ADAMTS17: variants seen among roughly 807,000 people sequenced by gnomAD.
ADAMTS17 encodes A disintegrin and metalloproteinase with thrombospondin motifs 17.
A neutral mutation model predicts 141.5 loss-of-function variants in ADAMTS17; 113 were observed. That is an observed-to-expected ratio of 0.80 (90% CI 0.69 to 0.93). The LOEUF (loss-of-function observed/expected upper bound fraction) is 0.93, where lower values mean the gene tolerates loss of function less well. Ranked by LOEUF, ADAMTS17 falls within the 40% of genes least tolerant of loss-of-function variation. The probability of loss-of-function intolerance (pLI) is 0.00; values close to 1 mark genes in which losing one functional copy is unlikely to be tolerated. For missense variants in ADAMTS17, 1,659 were observed against 1,517.9 expected, an observed-to-expected ratio of 1.09 and a Z score of -1.54; for synonymous variants, 768 against 630.6, an observed-to-expected ratio of 1.22 and a Z score of -3.27.
chr15:100,043,584 G>A (rs547052003), intron 18 of ADAMTS17, among the ~76,000 whole-genome samples: 1 of 152,262 alleles, frequency 6.6e-6, no homozygotes, highest in African/African-American at 2.4e-5. Context: ...TCTTACGTGT[G>A]GGCTATGTCT....
In ADAMTS17 at chr15:100,132,278, T is replaced by C. The variant is rs967634672; in HGVS notation, c.1576-126A>G. 8 of 1,330,260 alleles carry C rather than the reference T, an allele frequency of 6.0e-6. No homozygotes were observed. In the South Asian group the frequency reaches 8.4e-5, roughly 14 times the overall value. 82.4% of individuals were successfully genotyped at this position (1,330,260 alleles called of 1,614,324 possible). On this transcript the variant is annotated intron_variant, in intron 11 of 21. Coordinates refer to ENST00000268070, the MANE Select transcript of ADAMTS17 (RefSeq NM_139057.4). ...TAAATTTACATAAAGGTACAGTCTA[T>C]TTCAGGGTTTGCACGTTTGCTAATT...
intron 20 of ADAMTS17, among the ~76,000 whole-genome samples, chr15:99,991,836 G>A (rs1172408943): frequency 6.6e-6 from 1 of 152,146 alleles, no homozygotes; most frequent in African/African-American, 2.4e-5. Flanking sequence ...GGAATACTAT[G>A]CAGCCACAAA....
At chr15:99,984,995 C>T (rs2060556590) in intron 20 of ADAMTS17, among the ~76,000 whole-genome samples, 1 of 152,262 alleles carries the variant, frequency 6.6e-6, no homozygotes. Context: ...CGGCATGGCC[C>T]TGCGGCCCGC....
chr15:100,012,594 C>T (rs2061208145), intron 18 of ADAMTS17, among the ~76,000 whole-genome samples: 1 of 152,176 alleles, frequency 6.6e-6, no homozygotes, highest in Non-Finnish European at 1.5e-5. Context: ...GTTTCATTCT[C>T]CTACATGTGT....
At position 99,997,296 on chromosome 15, in the gene ADAMTS17, G is replaced by C; in HGVS notation, c.2796+89C>G. The C allele has an allele frequency of 6.8e-7, 1 of 1,473,214 alleles. No homozygotes were observed. The highest frequency in any genetic ancestry group is 2.3e-5 in the East Asian group (1 of 44,118). The allele number at this position is 1,473,214 out of a possible 1,614,324, so 91.3% of individuals were successfully genotyped here. On this transcript the variant is annotated intron_variant, in intron 19 of 21. Coordinates refer to ENST00000268070, the MANE Select transcript of ADAMTS17 (RefSeq NM_139057.4). The surrounding 1 kb of genome is among the most constrained non-coding windows in gnomAD (Gnocchi z 4.7). ...TTCAAGCTGACCTGGGGGCGAGCGA[G>C]GGCTGGGAGGCACCAGAATGTCACC... is the stretch of plus-strand genomic sequence containing the variant.
At position 100,012,143 on chromosome 15, in the gene ADAMTS17, G is replaced by A. The variant is rs529553841; in HGVS notation, c.2592-14554C>T. Among the ~76,000 whole-genome samples the A allele has an allele frequency of 2.6e-5, 4 of 152,334 alleles. No homozygotes were observed. The South Asian group carries it at 8.3e-4, about 32-fold the overall frequency. Reference sequence around the variant, plus strand: ...TTGATTTGCATTTCCCTGATCATTAGTGATGCTGAGCATTGTTTTCATATG... The same window carrying A: ...TTGATTTGCATTTCCCTGATCATTAATGATGCTGAGCATTGTTTTCATATG... On this transcript the variant is annotated intron_variant, in intron 18 of 21. Coordinates refer to ENST00000268070, the MANE Select transcript of ADAMTS17 (RefSeq NM_139057.4).
At chr15:100,331,140 C>G in intron 2 of ADAMTS17, 86 bp from the exon 3 acceptor site, 1 of 1,548,910 alleles carries the variant, frequency 6.5e-7, no homozygotes, top group East Asian at 2.4e-5. Context: ...GCAAGACCAC[C>G]TTGCTGTGAT....
In ADAMTS17 at chr15:99,978,357, G is replaced by A. The variant is rs563233921; in HGVS notation, c.2950-2135C>T. Among the ~76,000 whole-genome samples the A allele has an allele frequency of 2.6e-5, 4 of 152,260 alleles. No homozygotes were observed. In the South Asian group the frequency reaches 8.3e-4, roughly 32 times the overall value. ...TCAGAGGGAATGTTGCTCTAAAGGG[G>A]CACTGCTTTTTTCAGCTCACAAAGG... On this transcript the variant is annotated intron_variant, in intron 20 of 21. Coordinates refer to ENST00000268070, the MANE Select transcript of ADAMTS17 (RefSeq NM_139057.4).
At chr15:100,325,616 A>G (rs563854396) in intron 3 of ADAMTS17, among the ~76,000 whole-genome samples, 4 of 152,298 alleles carry the variant, frequency 2.6e-5, no homozygotes, top group African/African-American at 9.6e-5. Context: ...TCACTCCATT[A>G]GTTCATGCAA....
intron 13 of ADAMTS17, among the ~76,000 whole-genome samples, chr15:100,113,408 C>A (rs553166529): frequency 5.1e-4 from 77 of 152,322 alleles, no homozygotes; most frequent in Admixed American, 9.8e-4. Flanking sequence ...AATGAGGTCA[C>A]CTGGTGGACA....
chr15:100,096,585 G>C, intron 14 of ADAMTS17, 109 bp from the exon 15 acceptor site: 2 of 1,451,346 alleles, frequency 1.4e-6, no homozygotes, highest in Non-Finnish European at 1.9e-6. Context: ...CATGGGGCCT[G>C]GGGCCCTGAT....
At chr15:100,000,329 C>G (rs1334048900) in intron 18 of ADAMTS17, among the ~76,000 whole-genome samples, 1 of 152,104 alleles carries the variant, frequency 6.6e-6, no homozygotes, top group Non-Finnish European at 1.5e-5. Flanking sequence ...CTTTTGTTCC[C>G]CTTTAAGTTT....
intron 20 of ADAMTS17, among the ~76,000 whole-genome samples, chr15:99,987,948 C>T (rs1260541415): frequency 6.6e-6 from 1 of 151,962 alleles, no homozygotes; most frequent in African/African-American, 2.4e-5. Flanking sequence ...TGGCATGCTC[C>T]TGGTACACCA....
At chr15:100,073,680 G>A (rs55994043) in intron 15 of ADAMTS17, among the ~76,000 whole-genome samples, 4,991 of 146,290 alleles carry the variant, frequency 0.034, 108 homozygotes, top group Non-Finnish European at 0.053. Context: ...ACCAAACACC[G>A]CATGTTCTCA....
At chr15:100,028,096 G>T (rs28642332) in intron 18 of ADAMTS17, among the ~76,000 whole-genome samples, 2,486 of 152,210 alleles carry the variant, frequency 0.016, 65 homozygotes, top group African/African-American at 0.054. Context: ...GCCATCAGCT[G>T]CCATCTGTGT....
intron 18 of ADAMTS17, among the ~76,000 whole-genome samples, chr15:100,003,744 G>A (rs1412571059): frequency 1.3e-5 from 2 of 152,092 alleles, no homozygotes; most frequent in African/African-American, 4.8e-5. Flanking sequence ...TGAGCTTCAT[G>A]CCAAGAGAAA....
intron 2 of ADAMTS17, among the ~76,000 whole-genome samples, chr15:100,335,012 C>T (rs1250835781): frequency 6.6e-6 from 1 of 152,124 alleles, no homozygotes; most frequent in Non-Finnish European, 1.5e-5. Context: ...GATTCCCCAA[C>T]TACCCATCCT....
chr15:100,119,786 C>G (rs1262220663), intron 12 of ADAMTS17, among the ~76,000 whole-genome samples: 2 of 152,254 alleles, frequency 1.3e-5, no homozygotes, highest in Non-Finnish European at 2.9e-5. Flanking sequence ...CAGGCAGTCT[C>G]TGTGTGGCCC....
At chr15:100,125,266 G>A (rs2037670727) in intron 12 of ADAMTS17, among the ~76,000 whole-genome samples, 1 of 152,198 alleles carries the variant, frequency 6.6e-6, no homozygotes, top group South Asian at 2.1e-4. Context: ...TCTGAAAGGT[G>A]TCCAAGTAAC....
Sources: allele counts gnomAD v4.1 joint callset (sites outside exome capture counted in the v4.1 genomes callset), GRCh38; gene constraint gnomAD v4.1.1; non-coding constraint Gnocchi (gnomAD v3.1); transcripts MANE v1.5; gene names NCBI Gene and HGNC (gene_info 2026-07-23, HGNC 2026-07-21).